Variants in PHRF1 observed in about 807,000 individuals in gnomAD.
PHRF1 encodes PHD and ring finger domains 1.
PHRF1 carries 53 observed loss-of-function variants against 128.9 expected under a neutral mutation model. The observed-to-expected ratio is 0.41, with a 90% CI of 0.33 to 0.52. The LOEUF is 0.52. Among genes scored for constraint, PHRF1 ranks in the 20% least tolerant of loss-of-function variants. The probability of loss-of-function intolerance (pLI) is 0.21; values close to 1 mark genes in which losing one functional copy is unlikely to be tolerated. For missense variants in PHRF1, 2,503 were observed against 2,284.5 expected (o/e 1.10, Z -1.95); for synonymous variants, 1,178 against 980.6 (o/e 1.20, Z -3.76).
chr11:600,952 C>T (rs1200123510), intron 9 of PHRF1, among the ~76,000 whole-genome samples: 1 of 151,916 alleles, frequency 6.6e-6, no homozygotes, highest in East Asian at 1.9e-4. Flanking sequence ...GGTGACAGAG[C>T]GAGACTCCGT....
At chr11:610,175 C>T in intron 14 of PHRF1, 21 bp from the exon 15 acceptor site, 2 of 1,485,968 alleles carry the variant, frequency 1.3e-6, no homozygotes, top group Non-Finnish European at 1.8e-6. Context: ...GCACCCACCT[C>T]CCTGTCTGTC....
At chr11:589,661 C>A (rs529034693) in intron 4 of PHRF1, among the ~76,000 whole-genome samples, 3 of 152,286 alleles carry the variant, frequency 2.0e-5, no homozygotes, top group Non-Finnish European at 4.4e-5. Flanking sequence ...AGATCTCGGA[C>A]TAGAAAGCAA....
chr11:598,690 C>T (rs997717133), intron 9 of PHRF1, among the ~76,000 whole-genome samples, 188 bp downstream of exon 9: 5 of 152,242 alleles, frequency 3.3e-5, no homozygotes, highest in South Asian at 2.1e-4. Flanking sequence ...TGCCGATCTG[C>T]GACCACGCTG....
rs746519984 is a variant in PHRF1, at chr11:609,096, G to A, written c.3640G>A (p.Glu1214Lys). ...APLAQGEPGREDLPTRLPALG... is the reference protein window; with the variant it reads ...APLAQGEPGRKDLPTRLPALG... ...CCTTGCACAGGGGGAGCCAGGGCGGGAAGACCTCCCCACCAGGTTGCCAGC... is the reference window on the plus strand; with the variant it reads ...CCTTGCACAGGGGGAGCCAGGGCGGAAAGACCTCCCCACCAGGTTGCCAGC... The change falls in exon 14 of 18, where the codon GAA (glutamate) becomes AAA (lysine). Residue 1214 changes from glutamate to lysine, a missense_variant. Physicochemically the swap from Glu to Lys is moderately conservative, Grantham distance 56 (BLOSUM62 1). Coordinates refer to ENST00000264555, the MANE Select transcript of PHRF1 (RefSeq NM_001286581.2). The A allele has an allele frequency of 6.2e-6, 10 of 1,604,418 alleles. No individual in the cohort carries two copies. In the African/African-American group the frequency reaches 9.4e-5, roughly 15 times the overall value.
At chr11:582,541 T>G (rs1854269100) in intron 3 of PHRF1, among the ~76,000 whole-genome samples, 1 of 151,962 alleles carries the variant, frequency 6.6e-6, no homozygotes, top group African/African-American at 2.4e-5. Flanking sequence ...TTTTTTCTTT[T>G]TTGAGACGGA....
chr11:603,304 C>A (rs893368447), intron 10 of PHRF1, among the ~76,000 whole-genome samples: 1 of 152,184 alleles, frequency 6.6e-6, no homozygotes, highest in Non-Finnish European at 1.5e-5. Flanking sequence ...AGTTTGTCAT[C>A]TAAGCCTCAC....
intron 3 of PHRF1, among the ~76,000 whole-genome samples, chr11:586,063 G>C (rs559546812): frequency 6.6e-6 from 1 of 151,974 alleles, no homozygotes; most frequent in Admixed American, 6.6e-5. Context: ...GTTTCACCAT[G>C]TTGGCCAGGC....
At chr11:583,091 A>T (rs1033038372) in intron 3 of PHRF1, among the ~76,000 whole-genome samples, 1 of 151,522 alleles carries the variant, frequency 6.6e-6, no homozygotes, top group Non-Finnish European at 1.5e-5. Context: ...CTGTAATCCC[A>T]GCACTTTGGG....
At chr11:586,294 G>T (rs1854554799) in intron 3 of PHRF1, among the ~76,000 whole-genome samples, 2 of 152,232 alleles carry the variant, frequency 1.3e-5, no homozygotes. Flanking sequence ...CGCCCGGCCA[G>T]TAGCTCTTCA....
chr11:584,479 G>A (rs1180668499), intron 3 of PHRF1, among the ~76,000 whole-genome samples: 5 of 152,268 alleles, frequency 3.3e-5, no homozygotes, highest in Admixed American at 2.6e-4. Context: ...AGCTGTGGGC[G>A]TCCAGGGGAG....
rs1019407503 is a variant in PHRF1, at chr11:606,976, C to T, written c.1610-90C>T. 7.3e-6 allele frequency: 11 copies of T among 1,507,336 alleles called. No individual in the cohort carries two copies. The African/African-American group carries it at 1.3e-4, about 17-fold the overall frequency. 93.4% of individuals were successfully genotyped at this position (1,507,336 alleles called of 1,614,324 possible). On this transcript the variant is annotated intron_variant, in intron 13 of 17. Coordinates refer to ENST00000264555, the MANE Select transcript of PHRF1 (RefSeq NM_001286581.2). ...GACAGGAGTTTAAAGCGCACGACCT[C>T]ACAGAAAACCAGTTGTGATAAAAAT...
chr11:607,544 G>T lies in PHRF1; in HGVS notation c.2088G>T (p.Ala696=), dbSNP rs368282503. 19 of 1,612,626 alleles carry T rather than the reference G, an allele frequency of 1.2e-5. No homozygotes were observed. The South Asian group carries it at 2.1e-4, about 18-fold the overall frequency. The change falls in exon 14 of 18, where the codon GCG becomes GCT. Residue 696 remains alanine (A), a synonymous_variant. Transcript: ENST00000264555. ...ATGACGGTGGTGGCAGACGGGATGC[G>T]GCCCCGGCCCACGGGCAGAGCATTG... The part of the protein sequence containing the change: ...RRDDGGGRRD[A]APAHGQSIEI...
intron 10 of PHRF1, 148 bp downstream of exon 10, chr11:601,849 A>G (rs1296127049): frequency 9.2e-7 from 1 of 1,082,540 alleles, no homozygotes; most frequent in Non-Finnish European, 1.3e-6. Context: ...TTCTGTATTT[A>G]CTCAGTGATT....
intron 1 of PHRF1, among the ~76,000 whole-genome samples, chr11:577,865 C>T (rs769151541): frequency 6.6e-6 from 1 of 152,224 alleles, no homozygotes; most frequent in Non-Finnish European, 1.5e-5. Context: ...GCATTGGTTC[C>T]CCTGAATTTG....
intron 6 of PHRF1, 30 bp downstream of exon 6, chr11:592,704 C>G: frequency 1.2e-6 from 2 of 1,608,880 alleles, no homozygotes; most frequent in Non-Finnish European, 1.7e-6. Flanking sequence ...GGCACACGTG[C>G]CCTGCTGCGT....
intron 1 of PHRF1, among the ~76,000 whole-genome samples, chr11:577,537 C>T (rs1853951999): frequency 1.3e-5 from 2 of 152,254 alleles, no homozygotes; most frequent in Non-Finnish European, 2.9e-5. Flanking sequence ...ATGGATGGCA[C>T]CTCAGCATCA....
chr11:578,485 A>T (rs1473023596), intron 1 of PHRF1, among the ~76,000 whole-genome samples: 1 of 152,130 alleles, frequency 6.6e-6, no homozygotes, highest in Non-Finnish European at 1.5e-5. Flanking sequence ...GCCAGCTCCT[A>T]TGTGCCAAAC....
At chr11:601,786 G>A (rs1446238014) in intron 10 of PHRF1, 85 bp downstream of exon 10, 5 of 1,553,730 alleles carry the variant, frequency 3.2e-6, no homozygotes, top group African/African-American at 2.8e-5. Flanking sequence ...GCCTCCCGCT[G>A]GCCTTGGCAC....
chr11:595,677 G>C (rs1855235962), intron 6 of PHRF1, among the ~76,000 whole-genome samples: 1 of 152,256 alleles, frequency 6.6e-6, no homozygotes, highest in Non-Finnish European at 1.5e-5. Flanking sequence ...ATGGGCGCCT[G>C]CCAGGCGCAG....
Sources: gnomAD v4.1 joint callset for allele counts (sites outside exome capture counted in the v4.1 genomes callset) on GRCh38, gnomAD v4.1.1 for gene constraint, MANE v1.5 for transcripts, NCBI Gene and HGNC (gene_info 2026-07-23, HGNC 2026-07-21) for gene names.